ANKS1B: variants seen among roughly 807,000 people sequenced by gnomAD.
ANKS1B encodes ankyrin repeat and sterile alpha motif domain-containing protein 1B.
ANKS1B carries 36 observed loss-of-function variants against 148.3 expected under a neutral mutation model. The ratio of observed to expected loss-of-function variants is 0.24; its 90% CI spans 0.19 to 0.32. The LOEUF is 0.32. Among genes scored for constraint, ANKS1B ranks in the 10% least tolerant of loss-of-function variants. The pLI, the probability that ANKS1B is intolerant of heterozygous loss-of-function variation, is 1.00. For synonymous variants in ANKS1B, 542 were observed against 560.8 expected (o/e 0.97, Z 0.47); for missense variants, 1,157 against 1,542.6 (o/e 0.75, Z 4.19).
At chr12:99,622,410 A>C (rs1172508459) in intron 9 of ANKS1B, among the ~76,000 whole-genome samples, 1 of 152,040 alleles carries the variant, frequency 6.6e-6, no homozygotes, top group Non-Finnish European at 1.5e-5. Context: ...ATGAAATAAA[A>C]GTGAGACCCC....
intron 16 of ANKS1B, among the ~76,000 whole-genome samples, chr12:99,076,837 T>A (rs1000862709): frequency 3.3e-5 from 5 of 152,176 alleles, no homozygotes; most frequent in African/African-American, 9.7e-5. Flanking sequence ...CCTGTTTTTT[T>A]AAATAAAGTT....
chr12:99,228,910 GTA>G (rs1272181910), intron 14 of ANKS1B, among the ~76,000 whole-genome samples: 1 of 151,652 alleles, frequency 6.6e-6, no homozygotes, highest in Non-Finnish European at 1.5e-5. Context: ...ACCTATGAAT[GTA>G]TATATATGTA....
At chr12:99,541,441 C>T (rs1388321666) in intron 9 of ANKS1B, among the ~76,000 whole-genome samples, 1 of 152,098 alleles carries the variant, frequency 6.6e-6, no homozygotes, top group Non-Finnish European at 1.5e-5. Context: ...TGACCAAGTG[C>T]CTCAGGAATA....
rs539926209 is a variant in ANKS1B, at chr12:99,715,309, C to A, written c.1128+57613G>T. Among the ~76,000 whole-genome samples, 6 of 152,170 alleles carry A rather than the reference C, an allele frequency of 3.9e-5. No homozygotes were observed. In the South Asian group the frequency reaches 1.2e-3, roughly 32 times the overall value. Reference sequence around the variant, plus strand: ...AAGAAGTGAAAATGGCCTGTTCCTGCCTTAACTGATGACATTGTCTTGTGA... The same window carrying A: ...AAGAAGTGAAAATGGCCTGTTCCTGACTTAACTGATGACATTGTCTTGTGA... On this transcript the variant is annotated intron_variant, in intron 8 of 26. Coordinates refer to ENST00000683438, the MANE Select transcript of ANKS1B (RefSeq NM_001352186.2).
At chr12:99,825,796 A>ATT (rs1296813786) in intron 1 of ANKS1B, among the ~76,000 whole-genome samples, 3 of 152,204 alleles carry the variant, frequency 2.0e-5, no homozygotes, top group African/African-American at 7.2e-5. Context: ...GGTGCCGGTG[A>ATT]TTTATATAAG....
chr12:99,150,581 A>G (rs1228333113), intron 15 of ANKS1B, among the ~76,000 whole-genome samples: 1 of 152,140 alleles, frequency 6.6e-6, no homozygotes, highest in Non-Finnish European at 1.5e-5. Context: ...TTATTAAGAT[A>G]AGAATAGATT....
intron 12 of ANKS1B, among the ~76,000 whole-genome samples, chr12:99,361,291 A>G (rs1326172258): frequency 6.6e-6 from 1 of 152,114 alleles, no homozygotes; most frequent in Non-Finnish European, 1.5e-5. Flanking sequence ...AAAAATTAAA[A>G]TATTTTGTGG....
At chr12:99,775,900 C>A (rs910001587) in intron 6 of ANKS1B, among the ~76,000 whole-genome samples, 1 of 152,030 alleles carries the variant, frequency 6.6e-6, no homozygotes, top group Non-Finnish European at 1.5e-5. Flanking sequence ...CTCTTGAACC[C>A]CTTTCTTCTA....
At chr12:99,686,757 TTCC>T (rs1294759136) in intron 8 of ANKS1B, among the ~76,000 whole-genome samples, 2 of 152,162 alleles carry the variant, frequency 1.3e-5, no homozygotes, top group Non-Finnish European at 2.9e-5. Context: ...ATACTTTCAT[TTCC>T]TCCTATCATT....
At chr12:99,608,903 C>T (rs1439981692) in intron 9 of ANKS1B, among the ~76,000 whole-genome samples, 1 of 151,850 alleles carries the variant, frequency 6.6e-6, no homozygotes, top group South Asian at 2.1e-4. Context: ...CTCAAGGAAA[C>T]TGAATGGAAG....
intron 9 of ANKS1B, among the ~76,000 whole-genome samples, chr12:99,613,501 A>G (rs2097919391): frequency 6.6e-6 from 1 of 152,120 alleles, no homozygotes; most frequent in African/African-American, 2.4e-5. Context: ...TACATATACA[A>G]CACAGAATAC....
rs149061118 is a variant in ANKS1B at position 99,643,594 on chromosome 12, C to G, written c.1272+11473G>C. The stretch of plus-strand genomic sequence containing the variant: ...ATAAAGGTTAACTTATGTTTGCAAA[C>G]TCAGTAGTTTCATAAGCCTATTTCC... On this transcript the variant is annotated intron_variant, in intron 9 of 26. Coordinates refer to ENST00000683438, the MANE Select transcript of ANKS1B (RefSeq NM_001352186.2). 5.4e-4 allele frequency among the ~76,000 whole-genome samples: 82 copies of G among 152,282 alleles called. 1 individual carries two copies. In the East Asian group the frequency reaches 0.015, roughly 27 times the overall value.
At chr12:98,772,746 A>G (rs1002288835) in intron 25 of ANKS1B, among the ~76,000 whole-genome samples, 3 of 152,112 alleles carry the variant, frequency 2.0e-5, no homozygotes, top group African/African-American at 7.2e-5. Flanking sequence ...CAGCCAAACC[A>G]TATCAGCCGC....
At chr12:99,310,898 T>A (rs2083051489) in intron 12 of ANKS1B, among the ~76,000 whole-genome samples, 1 of 152,180 alleles carries the variant, frequency 6.6e-6, no homozygotes, top group Non-Finnish European at 1.5e-5. Context: ...TTACTGCCTA[T>A]GTGACTCTCA....
At chr12:99,966,327 C>CG (rs954643107) in intron 1 of ANKS1B, among the ~76,000 whole-genome samples, 12 of 151,342 alleles carry the variant, frequency 7.9e-5, no homozygotes, top group African/African-American at 2.9e-4. Context: ...GCAAATGGTT[C>CG]GGGGAAAAAA....
intron 4 of ANKS1B, among the ~76,000 whole-genome samples, chr12:99,798,423 TAAA>T (rs61020616): frequency 1.5e-4 from 12 of 78,640 alleles, no homozygotes; most frequent in African/African-American, 5.2e-4. Flanking sequence ...CTCTTGGAAT[TAAA>T]AAAAAAAAAA....
intron 12 of ANKS1B, among the ~76,000 whole-genome samples, chr12:99,249,321 T>C (rs549788444): frequency 6.6e-5 from 10 of 152,178 alleles, no homozygotes; most frequent in Non-Finnish European, 1.5e-4. Flanking sequence ...GGCGTAATAT[T>C]ATTTAAAGTT....
intron 10 of ANKS1B, among the ~76,000 whole-genome samples, chr12:99,501,517 A>C (rs557603707): frequency 6.6e-6 from 1 of 152,264 alleles, no homozygotes; most frequent in East Asian, 1.9e-4. Flanking sequence ...ATAATTCTTC[A>C]GGAATTTCCC....
At chr12:98,800,280 T>C (rs556436426) in intron 21 of ANKS1B, among the ~76,000 whole-genome samples, 25 of 147,318 alleles carry the variant, frequency 1.7e-4, no homozygotes, top group Non-Finnish European at 3.3e-4. Context: ...CTAAATCAAA[T>C]GAAGGTGAAA....
Sources: allele counts gnomAD v4.1 joint callset (sites outside exome capture counted in the v4.1 genomes callset), GRCh38; gene constraint gnomAD v4.1.1; transcripts MANE v1.5; gene names NCBI Gene and HGNC (gene_info 2026-07-23, HGNC 2026-07-21).